MAPK10: variants seen among roughly 807,000 people sequenced by gnomAD.
MAPK10 encodes JNK3 alpha protein kinase.
Under a neutral mutation model 59.3 loss-of-function variants are expected in MAPK10, and 25 were observed. The observed-to-expected ratio is 0.42, with a 90% CI of 0.31 to 0.59. MAPK10 has a LOEUF of 0.59. Ranked by LOEUF, MAPK10 falls within the 20% of genes least tolerant of loss-of-function variation. The pLI, the probability that MAPK10 is intolerant of heterozygous loss-of-function variation, is 0.15. For missense variants in MAPK10, 351 were observed against 568.9 expected, an observed-to-expected ratio of 0.62 and a Z score of 3.90; for synonymous variants, 190 against 200.5, an observed-to-expected ratio of 0.95 and a Z score of 0.44.
intron 11 of MAPK10, among the ~76,000 whole-genome samples, chr4:86,034,800 G>C (rs1425355864): frequency 6.6e-6 from 1 of 152,128 alleles, no homozygotes; most frequent in African/African-American, 2.4e-5. Flanking sequence ...AGCGAAAGAT[G>C]TGTGGGAGGT....
At position 86,218,568 on chromosome 4, in the gene MAPK10, C is replaced by CAAAA. The variant is rs11330422; in HGVS notation, c.-6-24165_-6-24162dup. Among the ~76,000 whole-genome samples the CAAAA allele has an allele frequency of 1.3e-3, 126 of 95,440 alleles. 3 individuals carry two copies. Among genetic ancestry groups the CAAAA allele is most frequent in the African/African-American group, 2.2e-3 (67 of 30,838 alleles). The allele number at this position is 95,440 out of a possible 152,430, so 62.6% of individuals were successfully genotyped here. ...TATGGGCATAATAATAAGACTTAAG[C>CAAAA]AAAAAAAAAAAAAAAAAAACACTTT... On this transcript the variant is annotated intron_variant, in intron 2 of 13. Transcript: ENST00000641462.
chr4:86,145,355 C>G (rs1380908657), intron 4 of MAPK10, among the ~76,000 whole-genome samples: 1 of 79,416 alleles, frequency 1.3e-5, no homozygotes, highest in African/African-American at 8.0e-5. Flanking sequence ...GAGCGAGACA[C>G]CGTCTCAAAA....
At chr4:86,399,825 A>AGAG (rs1491287232) in intron 1 of MAPK10, 1 of 152,224 alleles carries the variant, frequency 6.6e-6, no homozygotes, top group African/African-American at 2.4e-5. Context: ...AGGAGAACAT[A>AGAG]GAGGAGGAAA....
At chr4:86,519,401 T>C (rs146700272) in intron 1 of MAPK10, among the ~76,000 whole-genome samples, 1 of 152,362 alleles carries the variant, frequency 6.6e-6, no homozygotes, top group Non-Finnish European at 1.5e-5. Flanking sequence ...GTTGTTGTTT[T>C]TAACAGACTT....
chr4:86,153,979 G>T (rs1278413161), intron 4 of MAPK10, among the ~76,000 whole-genome samples: 2 of 152,124 alleles, frequency 1.3e-5, no homozygotes, highest in African/African-American at 4.8e-5. Flanking sequence ...TACATGAGAG[G>T]ATAATCATTT....
At chr4:86,090,654 A>G (rs1477799252) in intron 9 of MAPK10, 3 of 152,206 alleles carry the variant, frequency 2.0e-5, no homozygotes, top group Non-Finnish European at 2.9e-5. Context: ...AAAGAAAAAA[A>G]CGGAAAACAT....
At chr4:86,216,397 T>C (rs939136386) in intron 2 of MAPK10, among the ~76,000 whole-genome samples, 13 of 150,954 alleles carry the variant, frequency 8.6e-5, no homozygotes, top group African/African-American at 3.2e-4. Context: ...TTGGTGATAG[T>C]TGCACATGAT....
At chr4:86,544,312 A>G (rs116170019) in intron 1 of MAPK10, among the ~76,000 whole-genome samples, 3,596 of 152,340 alleles carry the variant, frequency 0.024, 67 homozygotes, top group Middle Eastern at 0.037. Context: ...TTAAAAACAA[A>G]AAGGCATCGA....
chr4:86,093,228 T>A (rs779203103), intron 9 of MAPK10, among the ~76,000 whole-genome samples: 6 of 151,982 alleles, frequency 3.9e-5, no homozygotes, highest in Non-Finnish European at 7.4e-5. Flanking sequence ...GCTTCTATCC[T>A]GGAAAATGTT....
chr4:86,326,172 T>G (rs1279439238), intron 2 of MAPK10: 1 of 152,106 alleles, frequency 6.6e-6, no homozygotes, highest in Non-Finnish European at 1.5e-5. Flanking sequence ...TAGAGAACAT[T>G]CCAGTCAAAA....
In MAPK10 at chr4:86,094,827, T is replaced by TA. The variant is rs201123575; in HGVS notation, c.802+3696dup. On this transcript the variant is annotated intron_variant, in intron 9 of 13. Transcript: ENST00000641462. ...TCTTTTATCTGTTCTTTGGACTACA[T>TA]AAAAAAAAATAATGGACTTGGCCTA... 1.2e-4 allele frequency among the ~76,000 whole-genome samples: 18 copies of TA among 150,890 alleles called. No homozygotes were observed. In the East Asian group the frequency reaches 1.4e-3, roughly 11 times the overall value.
chr4:86,148,616 C>T (rs1442557997), intron 4 of MAPK10, among the ~76,000 whole-genome samples: 1 of 152,074 alleles, frequency 6.6e-6, no homozygotes, highest in Admixed American at 6.5e-5. Flanking sequence ...AACAATTAGA[C>T]TCAATCTGGA....
chr4:86,581,463 T>C (rs2149112552), intron 1 of MAPK10, among the ~76,000 whole-genome samples: 1 of 152,264 alleles, frequency 6.6e-6, no homozygotes, highest in South Asian at 2.1e-4. Context: ...ACAAATTATA[T>C]TAGTGCTGTA....
intron 1 of MAPK10, among the ~76,000 whole-genome samples, chr4:86,530,663 C>G (rs1368845071): frequency 6.6e-6 from 1 of 152,128 alleles, no homozygotes; most frequent in African/African-American, 2.4e-5. Flanking sequence ...ATGGTGAAAG[C>G]TCTCTGGAGC....
intron 4 of MAPK10, among the ~76,000 whole-genome samples, chr4:86,129,152 C>T (rs2060577513): frequency 6.6e-6 from 1 of 152,028 alleles, no homozygotes; most frequent in African/African-American, 2.4e-5. Context: ...CATTAACTTG[C>T]TGTATTTTTA....
At chr4:86,422,944 C>T (rs951941370) in intron 1 of MAPK10, among the ~76,000 whole-genome samples, 9 of 152,082 alleles carry the variant, frequency 5.9e-5, no homozygotes, top group South Asian at 2.1e-4. Context: ...TTGTTATTTG[C>T]TAATGGACTT....
chr4:86,172,416 C>T (rs1317632794), intron 3 of MAPK10, among the ~76,000 whole-genome samples: 1 of 150,754 alleles, frequency 6.6e-6, no homozygotes, highest in Non-Finnish European at 1.5e-5. Flanking sequence ...GAGTTCATGT[C>T]CTTTGTAGGG....
chr4:86,171,845 A>T (rs1581849986), intron 3 of MAPK10, among the ~76,000 whole-genome samples: 1 of 151,062 alleles, frequency 6.6e-6, no homozygotes. Flanking sequence ...AAGGGCTAAT[A>T]TCCAGAATCT....
intron 1 of MAPK10, among the ~76,000 whole-genome samples, chr4:86,414,552 AT>A (rs1745619923): frequency 6.6e-6 from 1 of 152,216 alleles, no homozygotes; most frequent in African/African-American, 2.4e-5. Flanking sequence ...AGCCAAAATA[AT>A]TGCAGGATGA....
Sources: allele counts gnomAD v4.1 joint callset (sites outside exome capture counted in the v4.1 genomes callset), GRCh38; gene constraint gnomAD v4.1.1; transcripts MANE v1.5; gene names NCBI Gene and HGNC (gene_info 2026-07-23, HGNC 2026-07-21).